Variants in TICRR observed in about 807,000 individuals in gnomAD.
TICRR encodes treslin.
Under a neutral mutation model 178.1 loss-of-function variants are expected in TICRR, and 132 were observed. The ratio of observed to expected loss-of-function variants is 0.74; its 90% confidence interval spans 0.64 to 0.86. The LOEUF (loss-of-function observed/expected upper bound fraction) is 0.86. Among genes scored for constraint, TICRR ranks in the 40% least tolerant of loss-of-function variants. The pLI, the probability that TICRR is intolerant of heterozygous loss-of-function variation, is 0.00. For synonymous variants in TICRR, 991 were observed against 900.7 expected (o/e 1.10, Z -1.79); for missense variants, 2,587 against 2,334.3 (o/e 1.11, Z -2.23).
In TICRR at chr15:89,599,447, T is replaced by A. The variant is rs1325056372; in HGVS notation, c.2024T>A (p.Leu675Gln). The change falls in exon 8 of 22, where the codon CTA becomes CAA. Residue 675 changes from leucine to glutamine, a missense_variant. Transcript: ENST00000268138. ...ATGATCTCAACCGTTAAAATGTTCCTAAAATCAAAAGGCACCAAGGAATTA... is the reference window on the plus strand; with the variant it reads ...ATGATCTCAACCGTTAAAATGTTCCAAAAATCAAAAGGCACCAAGGAATTA... The part of the protein sequence containing the change: ...RNMISTVKMF[L>Q]KSKGTKELEV... 2 of 1,613,188 alleles carry A rather than the reference T, an allele frequency of 1.2e-6. No individual in the cohort carries two copies. Among genetic ancestry groups the A allele is most frequent in the African/African-American group, 2.7e-5 (2 of 74,906 alleles).
chr15:89,589,690 G>A (rs1441589946), intron 4 of TICRR, among the ~76,000 whole-genome samples: 13 of 152,106 alleles, frequency 8.5e-5, no homozygotes, highest in Admixed American at 8.5e-4. Context: ...GCAATTATAG[G>A]CATTTATGCT....
At position 89,619,221 on chromosome 15, in the gene TICRR, C is replaced by CTTTTTTTT. The variant is rs386383750; in HGVS notation, c.3020-475_3020-468dup. Among the ~76,000 whole-genome samples, 118 of 111,952 alleles carry CTTTTTTTT rather than the reference C, an allele frequency of 1.1e-3. 4 individuals carry two copies. Among genetic ancestry groups the CTTTTTTTT allele is most frequent in the African/African-American group, 1.2e-3 (33 of 28,476 alleles). The allele number at this position is 111,952 out of a possible 152,430, so 73.4% of individuals were successfully genotyped here. A position where few individuals can be genotyped will look rare whatever the true frequency, so the allele number is the denominator to read the frequency against. On this transcript the variant is annotated intron_variant, in intron 17 of 21. Coordinates refer to ENST00000268138, the MANE Select transcript of TICRR (RefSeq NM_152259.4). ...CTTGTTTTCGCCCTACACCATTCTT[C>CTTTTTTTT]TTTTTTTTTTTTTTTTTTTGGTGAG...
intron 18 of TICRR, among the ~76,000 whole-genome samples, 171 bp downstream of exon 18, chr15:89,620,013 A>C (rs900714360): frequency 6.6e-6 from 1 of 152,178 alleles, no homozygotes; most frequent in Non-Finnish European, 1.5e-5. Context: ...ATGACTTTGT[A>C]ATCAGTCATC....
Position 89,586,006 on chromosome 15 carries a change from A to G in TICRR, c.1411+64A>G, listed in dbSNP as rs960186663. 1.1e-5 allele frequency: 14 copies of G among 1,254,148 alleles called. 1 individual carries two copies. Among genetic ancestry groups the G allele is most frequent in the African/African-American group, 1.5e-5 (1 of 67,902 alleles). The allele number at this position is 1,254,148 out of a possible 1,614,324, so 77.7% of individuals were successfully genotyped here. Reference sequence around the variant, plus strand: ...GTTTGCAGTCTTTTCAAGCATCGGGACTTTTTCACTGTGCAGTTAGTAGAA... The same window carrying G: ...GTTTGCAGTCTTTTCAAGCATCGGGGCTTTTTCACTGTGCAGTTAGTAGAA... On this transcript the variant is annotated intron_variant, in intron 4 of 21. Coordinates refer to ENST00000268138, the MANE Select transcript of TICRR (RefSeq NM_152259.4).
intron 4 of TICRR, among the ~76,000 whole-genome samples, chr15:89,587,364 C>G (rs958519918): frequency 6.6e-6 from 1 of 152,034 alleles, no homozygotes; most frequent in East Asian, 1.9e-4. Context: ...GGAGATTTGT[C>G]TGGACTAGAG....
At chr15:89,595,331 GTTC>G (rs1220260626) in intron 6 of TICRR, 59 bp from the exon 7 acceptor site, 4 of 1,172,976 alleles carry the variant, frequency 3.4e-6, no homozygotes, top group Non-Finnish European at 5.1e-6. Context: ...AATTAAAGTA[GTTC>G]TTCTTTCCAC....
At position 89,627,333 on chromosome 15, in the gene TICRR, G is replaced by GAGTC. The variant is rs1198331280; in HGVS notation, c.*250_*253dup. The GAGTC allele has an allele frequency of 2.2e-6, 1 of 455,150 alleles. No homozygotes were observed. The highest frequency in any genetic ancestry group is 2.0e-5 in the African/African-American group (1 of 50,924). 28.2% of individuals were successfully genotyped at this position (455,150 alleles called of 1,614,324 possible). A position where few individuals can be genotyped will look rare whatever the true frequency, so the allele number is the denominator to read the frequency against. ...TGGTGCTATAACTCAGGCAGCCTGG[G>GAGTC]AGTCAGGAACCCAGACAAGGAATCC... On this transcript the variant is annotated 3_prime_UTR_variant, in exon 22 of 22. Transcript: ENST00000268138.
At chr15:89,623,487 C>A in intron 19 of TICRR, 136 bp from the exon 20 acceptor site, 1 of 935,444 alleles carries the variant, frequency 1.1e-6, no homozygotes, top group Non-Finnish European at 1.6e-6. Flanking sequence ...AAACGGGTCA[C>A]TATTTGAGAT....
At chr15:89,613,669 T>C (rs1327338725) in intron 15 of TICRR, among the ~76,000 whole-genome samples, 2 of 152,084 alleles carry the variant, frequency 1.3e-5, no homozygotes, top group Non-Finnish European at 2.9e-5. Context: ...TGTTGACTCT[T>C]TCTTTGCCAC....
chr15:89,604,061 T>A (rs1963137862), intron 13 of TICRR, among the ~76,000 whole-genome samples: 1 of 152,126 alleles, frequency 6.6e-6, no homozygotes, highest in Admixed American at 6.5e-5. Context: ...CTAGCTGGAA[T>A]CTGTTTACTA....
chr15:89,625,795 G>C lies in TICRR; in HGVS notation c.5476+9G>C. 1.3e-6 allele frequency: 2 copies of C among 1,588,382 alleles called. No individual in the cohort carries two copies. Among genetic ancestry groups the C allele is most frequent in the Non-Finnish European group, 1.7e-6 (2 of 1,166,190 alleles). Reference sequence around the variant, plus strand: ...AGAGGTGTTTGTTTCCGGTGAGTTCGTTTTTGAAACCCAGTTTCCTCATGG... The same window carrying C: ...AGAGGTGTTTGTTTCCGGTGAGTTCCTTTTTGAAACCCAGTTTCCTCATGG... On this transcript the variant is annotated intron_variant, in intron 20 of 21. Transcript: ENST00000268138.
At chr15:89,622,742 G>C (rs1963447439) in intron 19 of TICRR, among the ~76,000 whole-genome samples, 1 of 152,134 alleles carries the variant, frequency 6.6e-6, no homozygotes, top group South Asian at 2.1e-4. Context: ...GTGCCATCCT[G>C]CACAGCCACT....
rs1433480281 is a variant in TICRR, at chr15:89,582,848, T to G, written c.817T>G (p.Ser273Ala). 3 of 1,614,074 alleles carry G rather than the reference T, an allele frequency of 1.9e-6. No individual in the cohort carries two copies. The East Asian group carries it at 6.7e-5, about 36-fold the overall frequency. The change falls in exon 2 of 22, where the codon TCT becomes GCT. Residue 273 changes from serine (S) to alanine (A), a missense_variant. Ser to Ala is a moderately conservative substitution (Grantham distance 99). Transcript: ENST00000268138. ...GIKLSSEPHL[S>A]PWISMLPTDA... is the part of the protein sequence containing the mutation. ...AAAGCTGTCAAGTGAACCTCATCTT[T>G]CTCCGTGGATTTCAATGCTGCCAAC...
At chr15:89,608,142 G>A (rs959025340) in intron 14 of TICRR, among the ~76,000 whole-genome samples, 1 of 152,122 alleles carries the variant, frequency 6.6e-6, no homozygotes, top group Non-Finnish European at 1.5e-5. Flanking sequence ...ACATTGAGTA[G>A]CTTCTAACTC....
chr15:89,578,612 T>C (rs1474087740), intron 1 of TICRR, among the ~76,000 whole-genome samples: 1 of 152,154 alleles, frequency 6.6e-6, no homozygotes, highest in East Asian at 1.9e-4. Flanking sequence ...TTGATGGATC[T>C]TGGAGATTCT....
chr15:89,588,097 G>A (rs1962851647), intron 4 of TICRR, among the ~76,000 whole-genome samples: 1 of 152,178 alleles, frequency 6.6e-6, no homozygotes, highest in South Asian at 2.1e-4. Context: ...GGTGAGTGAT[G>A]TTGGTGTGAG....
chr15:89,585,933 G>A lies in TICRR; in HGVS notation c.1402G>A (p.Ala468Thr). The change falls in exon 4 of 22, where the codon GCT becomes ACT. Residue 468 changes from alanine (A) to threonine (T), a missense_variant. Ala to Thr is a moderately conservative substitution (Grantham distance 58). Coordinates refer to ENST00000268138, the MANE Select transcript of TICRR (RefSeq NM_152259.4). ...GACTCATGATTCGCTTGCAGATACT[G>A]CTTCTGCTGGTAAGCTCCTAAACTA... ...NQTHDSLADT[A>T]SAASPVPEWA... is the part of the protein sequence containing the mutation. 6 of 1,613,484 alleles carry A rather than the reference G, an allele frequency of 3.7e-6. No homozygotes were observed. Among genetic ancestry groups the A allele is most frequent in the Non-Finnish European group, 4.2e-6 (5 of 1,179,480 alleles).
rs375013994 is a variant in TICRR, at chr15:89,621,394, C to T, written c.3156C>T (p.Asp1052=). Reference sequence around the variant, plus strand: ...ATTGTTGCTGTTTTTGACTTGCAGACCAAAGAGAAAATTCTCCAGTCCAAA... The same window carrying T: ...ATTGTTGCTGTTTTTGACTTGCAGATCAAAGAGAAAATTCTCCAGTCCAAA... ...RVHSFQQDKS[D]QRENSPVQSI... The change falls in exon 19 of 22, where the codon GAC becomes GAT. Residue 1052 remains aspartate (D), a splice_region_variant and synonymous_variant. Transcript: ENST00000268138. 1 of 1,592,114 alleles carries T rather than the reference C, an allele frequency of 6.3e-7. No individual in the cohort carries two copies. Among genetic ancestry groups the T allele is most frequent in the Non-Finnish European group, 8.5e-7 (1 of 1,174,148 alleles).
At chr15:89,594,618 G>A in intron 6 of TICRR, 64 bp downstream of exon 6, 2 of 1,377,322 alleles carry the variant, frequency 1.5e-6, no homozygotes, top group East Asian at 2.5e-5. Flanking sequence ...TTTAAAAGAT[G>A]GGCATTTCCT....
Sources: gnomAD v4.1 joint callset for allele counts (sites outside exome capture counted in the v4.1 genomes callset) on GRCh38, gnomAD v4.1.1 for gene constraint, MANE v1.5 for transcripts, NCBI Gene and HGNC (gene_info 2026-07-23, HGNC 2026-07-21) for gene names.